Variants in LTBR observed in about 807,000 individuals in gnomAD.
LTBR encodes the protein lymphotoxin beta receptor.
LTBR carries 15 observed loss-of-function variants against 45.4 expected under a neutral mutation model. The observed-to-expected ratio is 0.33, with a 90% CI of 0.22 to 0.51. The LOEUF (loss-of-function observed/expected upper bound fraction) is 0.51. Among genes scored for constraint, LTBR ranks in the 20% least tolerant of loss-of-function variants. LTBR has a pLI of 0.97. For missense variants in LTBR, 450 were observed against 565.5 expected, an observed-to-expected ratio of 0.80 and a Z score of 2.07; for synonymous variants, 228 against 231.0, an observed-to-expected ratio of 0.99 and a Z score of 0.12.
In LTBR at chr12:6,388,691, T is replaced by TG; in HGVS notation, c.776-106dup. 1 of 1,382,724 alleles carries TG rather than the reference T, an allele frequency of 7.2e-7. No homozygotes were observed. The allele number at this position is 1,382,724 out of a possible 1,614,324, so 85.7% of individuals were successfully genotyped here. On this transcript the variant is annotated intron_variant, in intron 7 of 9. Transcript: ENST00000228918. The surrounding 1 kb of genome is among the most constrained non-coding windows in gnomAD (Gnocchi z 4.3). The stretch of plus-strand genomic sequence containing the variant: ...TGAGAGTGACAGTGGCTTGTTCCTC[T>TG]GGGCCCCCGGGTGGTCAAGTTGCTA...
chr12:6,377,118 A>G (rs1948925640), intron 1 of LTBR: 1 of 646,290 alleles, frequency 1.5e-6, no homozygotes, highest in Non-Finnish European at 2.7e-6. Flanking sequence ...TAGCAGGCAA[A>G]GAAGAGAAAA....
At chr12:6,377,846 T>C (rs1314837037) in intron 1 of LTBR, 2 of 416,812 alleles carry the variant, frequency 4.8e-6, no homozygotes, top group South Asian at 3.5e-5. Flanking sequence ...AGAATTGCAA[T>C]GCCTGGTCTG....
intron 1 of LTBR, chr12:6,375,648 A>T: frequency 6.7e-7 from 1 of 1,483,088 alleles, no homozygotes; most frequent in Non-Finnish European, 8.9e-7. Context: ...GAGTTTTCCG[A>T]AGGAAGGAGG....
Position 6,388,599 on chromosome 12 carries a change from C to A in LTBR, c.775+94C>A. ...GGTGCAACCCTCCACACCCTCAAGA[C>A]TCCCAATGCCTACCCCCAACATAGA... On this transcript the variant is annotated intron_variant, in intron 7 of 9. Transcript: ENST00000228918. The surrounding 1 kb of genome is among the most constrained non-coding windows in gnomAD (Gnocchi z 4.3). The A allele has an allele frequency of 1.7e-6, 2 of 1,152,184 alleles. No homozygotes were observed. The highest frequency in any genetic ancestry group is 2.6e-6 in the Non-Finnish European group (2 of 769,940). 71.4% of individuals were successfully genotyped at this position (1,152,184 alleles called of 1,614,324 possible).
chr12:6,375,827 G>A (rs1206019524), intron 1 of LTBR: 1 of 1,355,096 alleles, frequency 7.4e-7, no homozygotes, highest in African/African-American at 1.5e-5. Context: ...GCAACACAAG[G>A]AGAAGGGGCC....
intron 1 of LTBR, among the ~76,000 whole-genome samples, chr12:6,378,571 A>G (rs200250991): frequency 4.6e-5 from 1 of 21,872 alleles, no homozygotes; most frequent in Non-Finnish European, 7.4e-5. Flanking sequence ...ACCCAGATGG[A>G]CAAAGACTTT....
Position 6,388,027 on chromosome 12 carries a change from C to A in LTBR, c.668-371C>A, listed in dbSNP as rs1949068452. 2 of 358,452 alleles carry A rather than the reference C, an allele frequency of 5.6e-6. No homozygotes were observed. Among genetic ancestry groups the A allele is most frequent in the Non-Finnish European group, 5.5e-6 (1 of 181,294 alleles). The allele number at this position is 358,452 out of a possible 1,614,324, so 22.2% of individuals were successfully genotyped here. ...GTTTACAACTCCAAGTCCCACCCTT[C>A]CCTACTGTCTCCCAATCCCACTTCC... On this transcript the variant is annotated intron_variant, in intron 6 of 9. Transcript: ENST00000228918. This position sits in a 1 kb window ranked among gnomAD's most constrained non-coding sequence, Gnocchi z 4.3.
intron 1 of LTBR, chr12:6,377,384 A>G: frequency 4.5e-6 from 4 of 897,996 alleles, no homozygotes; most frequent in Non-Finnish European, 7.0e-6. Context: ...GAGCAGAGCT[A>G]TAAACAGAAT....
At position 6,384,607 on chromosome 12, in the gene LTBR, A is replaced by C; in HGVS notation, c.116A>C (p.Glu39Ala). The change falls in exon 2 of 10, where the codon GAG becomes GCG. Residue 39 changes from glutamate (E) to alanine (A), a missense_variant. Transcript: ENST00000228918. ...TTGAAGGTGCCTCCATATGCGTCGG[A>C]GAACCAGACCTGCAGGGACCAGGAA... The part of the protein sequence containing the change: ...QPQAVPPYAS[E>A]NQTCRDQEKE... 3.7e-6 allele frequency: 6 copies of C among 1,614,192 alleles called. No homozygotes were observed. The highest frequency in any genetic ancestry group is 5.1e-6 in the Non-Finnish European group (6 of 1,180,014).
At chr12:6,377,175 C>G in intron 1 of LTBR, 5 of 1,285,072 alleles carry the variant, frequency 3.9e-6, no homozygotes, top group Non-Finnish European at 5.5e-6. Context: ...GGCTTCCTCT[C>G]TTGCGGCAGT....
chr12:6,376,001 A>C (rs1271070772), intron 1 of LTBR: 2 of 1,006,686 alleles, frequency 2.0e-6, no homozygotes, highest in Non-Finnish European at 2.4e-6. Context: ...AGAAGGAGCC[A>C]GCACCAAAGG....
In LTBR at chr12:6,384,383, G is replaced by A; in HGVS notation, c.25G>A (p.Ala9Thr). 6.5e-7 allele frequency: 1 copy of A among 1,536,150 alleles called. No homozygotes were observed. Among genetic ancestry groups the A allele is most frequent in the South Asian group, 1.2e-5 (1 of 83,970 alleles). The change falls in exon 1 of 10, where the codon GCC (alanine) becomes ACC (threonine). Residue 9 changes from alanine to threonine, a missense_variant. This residue lies in a region of LTBR where 367 missense variants were observed against 435.4 expected (regional missense o/e 0.84). Coordinates refer to ENST00000228918, the MANE Select transcript of LTBR (RefSeq NM_002342.3). MLLPWATS[A>T]PGLAWGPLVL... ...CATGCTCCTGCCTTGGGCCACCTCT[G>A]CCCCCGGCCTGGCCTGGGGGCCTCT... is the stretch of plus-strand genomic sequence containing the variant.
Position 6,384,604 on chromosome 12 carries a change from C to T in LTBR, c.113C>T (p.Ser38Leu), listed in dbSNP as rs1403810711. 6.2e-7 allele frequency: 1 copy of T among 1,614,126 alleles called. No homozygotes were observed. Among genetic ancestry groups the T allele is most frequent in the Non-Finnish European group, 8.5e-7 (1 of 1,179,968 alleles). ...SQPQAVPPYA[S>L]ENQTCRDQEK... ...CCTTTGAAGGTGCCTCCATATGCGT[C>T]GGAGAACCAGACCTGCAGGGACCAG... Residue 38 changes from serine to leucine, a missense_variant, in exon 2 of 10, where the codon TCG (serine) becomes TTG (leucine). By Grantham distance (145) the Ser-to-Leu change is moderately radical. This residue lies in a region of LTBR where 367 missense variants were observed against 435.4 expected (regional missense o/e 0.84). Coordinates refer to ENST00000228918, the MANE Select transcript of LTBR (RefSeq NM_002342.3).
At position 6,386,520 on chromosome 12, in the gene LTBR, G is replaced by T; in HGVS notation, c.667+76G>T. 8.6e-7 allele frequency: 1 copy of T among 1,167,594 alleles called. No homozygotes were observed. The highest frequency in any genetic ancestry group is 1.3e-5 in the South Asian group (1 of 75,140). 72.3% of individuals were successfully genotyped at this position (1,167,594 alleles called of 1,614,324 possible). A position where few individuals can be genotyped will look rare whatever the true frequency, so the allele number is the denominator to read the frequency against. ...TAATGCTCCACATCTTAAAAAAAAT[G>T]GGGAAAAGATGAACACTTCCCTCCC... On this transcript the variant is annotated intron_variant, in intron 6 of 9. Coordinates refer to ENST00000228918, the MANE Select transcript of LTBR (RefSeq NM_002342.3). This position sits in a 1 kb window ranked among gnomAD's most constrained non-coding sequence, Gnocchi z 4.1.
chr12:6,382,301 AG>A (rs771801483), upstream of LTBR, among the ~76,000 whole-genome samples: 3 of 151,564 alleles, frequency 2.0e-5, no homozygotes, highest in Non-Finnish European at 2.9e-5. Flanking sequence ...TTGGTGGGGG[AG>A]GGGGTATACA....
Position 6,386,361 on chromosome 12 carries a change from G to T in LTBR, c.584G>T (p.Gly195Val), listed in dbSNP as rs557684034. ...TTCCTCTGCAGGTGTGAGAACCAAG[G>T]TCTGGTGGAGGCAGCTCCAGGCACT... ...CQPHTRCENQ[G>V]LVEAAPGTAQ... is the part of the protein sequence containing the mutation. Residue 195 changes from glycine (G) to valine (V), a missense_variant, in exon 6 of 10, where the codon GGT (glycine) becomes GTT (valine). This residue lies in a region of LTBR where 367 missense variants were observed against 435.4 expected (regional missense o/e 0.84). Transcript: ENST00000228918. The surrounding 1 kb of genome is among the most constrained non-coding windows in gnomAD (Gnocchi z 4.1). 6.2e-7 allele frequency: 1 copy of T among 1,613,784 alleles called. No homozygotes were observed. The highest frequency in any genetic ancestry group is 8.5e-7 in the Non-Finnish European group (1 of 1,179,962).
Position 6,388,578 on chromosome 12 carries a change from C to A in LTBR, c.775+73C>A. On this transcript the variant is annotated intron_variant, in intron 7 of 9. Coordinates refer to ENST00000228918, the MANE Select transcript of LTBR (RefSeq NM_002342.3). This position sits in a 1 kb window ranked among gnomAD's most constrained non-coding sequence, Gnocchi z 4.3. ...GGAGGAATATTCAACTTCCCCGGTG[C>A]AACCCTCCACACCCTCAAGACTCCC... The A allele has an allele frequency of 7.7e-7, 1 of 1,301,798 alleles. No individual in the cohort carries two copies. Among genetic ancestry groups the A allele is most frequent in the Non-Finnish European group, 1.1e-6 (1 of 900,950 alleles). 80.6% of individuals were successfully genotyped at this position (1,301,798 alleles called of 1,614,324 possible). A position where few individuals can be genotyped will look rare whatever the true frequency, so the allele number is the denominator to read the frequency against.
In LTBR at chr12:6,388,680, G is replaced by C; in HGVS notation, c.776-120G>C. The C allele has an allele frequency of 7.8e-7, 1 of 1,276,406 alleles. No individual in the cohort carries two copies. The highest frequency in any genetic ancestry group is 1.1e-6 in the Non-Finnish European group (1 of 881,888). 79.1% of individuals were successfully genotyped at this position (1,276,406 alleles called of 1,614,324 possible). ...GAGGCTGGAGATGAGAGTGACAGTG[G>C]CTTGTTCCTCTGGGCCCCCGGGTGG... On this transcript the variant is annotated intron_variant, in intron 7 of 9. Coordinates refer to ENST00000228918, the MANE Select transcript of LTBR (RefSeq NM_002342.3). The surrounding 1 kb of genome is among the most constrained non-coding windows in gnomAD (Gnocchi z 4.3).
Position 6,385,600 on chromosome 12 carries a change from AG to A in LTBR, c.472+222del. 8.2e-6 allele frequency: 5 copies of A among 607,444 alleles called. No homozygotes were observed. In the South Asian group the frequency reaches 1.1e-4, roughly 13 times the overall value. 37.6% of individuals were successfully genotyped at this position (607,444 alleles called of 1,614,324 possible). A position where few individuals can be genotyped will look rare whatever the true frequency, so the allele number is the denominator to read the frequency against. On this transcript the variant is annotated intron_variant, in intron 4 of 9. Transcript: ENST00000228918. Reference sequence around the variant, plus strand: ...GAGGTGGTTCTTCTCAGTACTGGGAAGCTTGGGCAAAATGGTAGGCAGTAGG... The same window carrying A: ...GAGGTGGTTCTTCTCAGTACTGGGAACTTGGGCAAAATGGTAGGCAGTAGG...
Sources: gnomAD v4.1 joint callset for allele counts (sites outside exome capture counted in the v4.1 genomes callset) on GRCh38, gnomAD v4.1.1 for gene constraint, gnomAD v4.1.1 regional missense constraint, Gnocchi (gnomAD v3.1) non-coding constraint, MANE v1.5 for transcripts, NCBI Gene and HGNC (gene_info 2026-07-23, HGNC 2026-07-21) for gene names.